Variants in AGPAT5 observed in about 807,000 individuals in gnomAD.
AGPAT5 encodes 1-acylglycerol-3-phosphate O-acyltransferase 5.
A neutral mutation model predicts 45.6 loss-of-function variants in AGPAT5; 46 were observed. The observed-to-expected ratio is 1.01, with a 90% CI of 0.80 to 1.29. The LOEUF (loss-of-function observed/expected upper bound fraction) is 1.29, where lower values mean the gene tolerates loss of function less well. Among genes scored for constraint, AGPAT5 ranks in the 50% most tolerant of loss-of-function variants. The pLI is 0.00. For synonymous variants in AGPAT5, 272 were observed against 167.0 expected (o/e 1.63, Z -4.85); for missense variants, 673 against 450.7 (o/e 1.49, Z -4.47).
At chr8:6,745,113 T>G (rs1426528476) in intron 5 of AGPAT5, 3 of 152,712 alleles carry the variant, frequency 2.0e-5, no homozygotes, top group Non-Finnish European at 4.4e-5. Flanking sequence ...CAATATCCCT[T>G]TTGATTTCAA....
At chr8:6,730,854 A>G (rs772376818) in intron 3 of AGPAT5, 28 bp downstream of exon 3, 23 of 1,434,898 alleles carry the variant, frequency 1.6e-5, no homozygotes, top group Middle Eastern at 1.8e-4. Flanking sequence ...TTTTCTCTCT[A>G]TATATGTAGT....
At chr8:6,710,894 C>T (rs1418442961) in intron 1 of AGPAT5, among the ~76,000 whole-genome samples, 2 of 152,038 alleles carry the variant, frequency 1.3e-5, no homozygotes, top group African/African-American at 4.8e-5. Flanking sequence ...GCTTGCTTTT[C>T]TTGTTTTGTT....
intron 1 of AGPAT5, among the ~76,000 whole-genome samples, chr8:6,713,813 C>G (rs1800233829): frequency 1.3e-5 from 2 of 152,152 alleles, no homozygotes; most frequent in South Asian, 2.1e-4. Context: ...GTGATCCGTC[C>G]TTGATCCACC....
At chr8:6,740,543 ATAT>A (rs200654437) in intron 4 of AGPAT5, among the ~76,000 whole-genome samples, 1,759 of 149,962 alleles carry the variant, frequency 0.012, 29 homozygotes, top group African/African-American at 0.041. Flanking sequence ...GATACATATA[ATAT>A]TATCTGTTAA....
At position 6,717,524 on chromosome 8, in the gene AGPAT5, A is replaced by C. The variant is rs570987488; in HGVS notation, c.220-7346A>C. ...GTAACACATAATTTAGCAGTGCAGA[A>C]AGATGTCACTTAAAAGAAAACTTGA... is the stretch of plus-strand genomic sequence containing the variant. On this transcript the variant is annotated intron_variant, in intron 1 of 7. Coordinates refer to ENST00000285518, the MANE Select transcript of AGPAT5 (RefSeq NM_018361.5). Among the ~76,000 whole-genome samples, 13 of 152,370 alleles carry C rather than the reference A, an allele frequency of 8.5e-5. No homozygotes were observed. In the South Asian group the frequency reaches 2.7e-3, roughly 32 times the overall value.
intron 4 of AGPAT5, among the ~76,000 whole-genome samples, 181 bp downstream of exon 4, chr8:6,732,831 A>T (rs1293992268): frequency 6.6e-6 from 1 of 152,242 alleles, no homozygotes; most frequent in Non-Finnish European, 1.5e-5. Flanking sequence ...AGCCATCAGA[A>T]AGATTGCTGT....
intron 1 of AGPAT5, among the ~76,000 whole-genome samples, chr8:6,709,698 G>A (rs1433318119): frequency 6.6e-6 from 1 of 152,012 alleles, no homozygotes; most frequent in Non-Finnish European, 1.5e-5. Context: ...GAAATGGGAC[G>A]GTATCATTTT....
At chr8:6,750,671 C>T (rs1484377834) in intron 6 of AGPAT5, among the ~76,000 whole-genome samples, 2 of 150,980 alleles carry the variant, frequency 1.3e-5, no homozygotes, top group African/African-American at 4.9e-5. Context: ...AGACATTTCA[C>T]ATTTAACCTC....
chr8:6,750,266 T>C (rs1801616475), intron 6 of AGPAT5, among the ~76,000 whole-genome samples: 1 of 152,184 alleles, frequency 6.6e-6, no homozygotes, highest in African/African-American at 2.4e-5. Context: ...ATAAGTGCCT[T>C]GAGGAAGCCA....
chr8:6,722,763 G>A (rs999414468), intron 1 of AGPAT5, among the ~76,000 whole-genome samples: 2 of 152,194 alleles, frequency 1.3e-5, no homozygotes, highest in Non-Finnish European at 2.9e-5. Flanking sequence ...TTTGTCCTTT[G>A]TGATGAAGAT....
rs570017791 is a variant in AGPAT5 at position 6,755,152 on chromosome 8, G to C, written c.847G>C (p.Glu283Gln). The change falls in exon 7 of 8, where the codon GAA (glutamate) becomes CAA (glutamine). Residue 283 changes from glutamate (E) to glutamine (Q), a missense_variant. Transcript: ENST00000285518. ...AGAACATATGAGAAGATGGCTGCATGAACGTTTCGAAATCAAAGATAAGTG... is the reference window on the plus strand; with the variant it reads ...AGAACATATGAGAAGATGGCTGCATCAACGTTTCGAAATCAAAGATAAGTG... The part of the protein sequence containing the change: ...EQEHMRRWLH[E>Q]RFEIKDKMLI... The C allele has an allele frequency of 1.2e-6, 2 of 1,600,754 alleles. No homozygotes were observed. The highest frequency in any genetic ancestry group is 2.2e-5 in the East Asian group (1 of 44,486).
At chr8:6,735,567 A>G (rs1056562500) in intron 4 of AGPAT5, among the ~76,000 whole-genome samples, 1 of 152,204 alleles carries the variant, frequency 6.6e-6, no homozygotes, top group Non-Finnish European at 1.5e-5. Context: ...AACCACTTGC[A>G]TCTTGTTTCT....
rs781669671 is a variant in AGPAT5, at chr8:6,747,845, A to G, written c.745+17A>G. On this transcript the variant is annotated intron_variant, in intron 6 of 7. Coordinates refer to ENST00000285518, the MANE Select transcript of AGPAT5 (RefSeq NM_018361.5). ...CCATGACGGGTAAGTGTGTTCACGC[A>G]CCTGAAATGCCTGTACACGGTATAT... The G allele has an allele frequency of 4.3e-6, 7 of 1,613,000 alleles. No individual in the cohort carries two copies. In the Admixed American group the frequency reaches 1.0e-4, roughly 23 times the overall value.
intron 1 of AGPAT5, among the ~76,000 whole-genome samples, chr8:6,712,854 A>C (rs116578152): frequency 6.6e-6 from 1 of 152,236 alleles, no homozygotes; most frequent in Non-Finnish European, 1.5e-5. Context: ...ATAAATGTTA[A>C]TAGGATGTCT....
intron 4 of AGPAT5, among the ~76,000 whole-genome samples, chr8:6,735,034 A>G (rs1801000241): frequency 6.6e-6 from 1 of 152,096 alleles, no homozygotes; most frequent in East Asian, 1.9e-4. Context: ...TGGTAGAAGG[A>G]GAGGGAAGGG....
At chr8:6,725,855 T>C (rs1800668589) in intron 2 of AGPAT5, among the ~76,000 whole-genome samples, 1 of 152,260 alleles carries the variant, frequency 6.6e-6, no homozygotes, top group African/African-American at 2.4e-5. Context: ...AAATCACTTA[T>C]GCCTGTGGCT....
intron 2 of AGPAT5, among the ~76,000 whole-genome samples, chr8:6,727,010 G>A (rs1366516546): frequency 2.0e-5 from 3 of 152,182 alleles, no homozygotes; most frequent in Non-Finnish European, 4.4e-5. Flanking sequence ...GACCCCTAAA[G>A]CCTATCCATA....
chr8:6,753,214 T>C (rs1233169885), intron 6 of AGPAT5, among the ~76,000 whole-genome samples: 1 of 152,196 alleles, frequency 6.6e-6, no homozygotes, highest in Non-Finnish European at 1.5e-5. Flanking sequence ...GCTGACGTCT[T>C]AGTAGAGGCC....
At chr8:6,747,017 A>G (rs1483100816) in intron 5 of AGPAT5, among the ~76,000 whole-genome samples, 1 of 152,246 alleles carries the variant, frequency 6.6e-6, no homozygotes, top group Non-Finnish European at 1.5e-5. Flanking sequence ...GAGGATTGAA[A>G]TCGTATGTTC....
Sources: allele counts gnomAD v4.1 joint callset (sites outside exome capture counted in the v4.1 genomes callset), GRCh38; gene constraint gnomAD v4.1.1; transcripts MANE v1.5; gene names NCBI Gene and HGNC (gene_info 2026-07-23, HGNC 2026-07-21).